Variants in NEB observed in about 807,000 individuals in gnomAD.
NEB encodes nemaline myopathy type 2.
A neutral mutation model predicts 952.2 loss-of-function variants in NEB; 512 were observed. That is an observed-to-expected ratio of 0.54 (90% CI 0.50 to 0.58). NEB has a LOEUF of 0.58. NEB is among the 20% of genes least tolerant of loss of function. The probability of loss-of-function intolerance (pLI) is 0.00; values close to 1 mark genes in which losing one functional copy is unlikely to be tolerated. For synonymous variants in NEB, 2,900 were observed against 3,149.8 expected, an observed-to-expected ratio of 0.92 and a Z score of 2.66; for missense variants, 8,428 against 9,231.1, an observed-to-expected ratio of 0.91 and a Z score of 3.56.
chr2:151,663,708 GA>G lies in NEB; in HGVS notation c.5602del (p.Ser1868ProfsTer29). 6.2e-7 allele frequency: 1 copy of G among 1,613,790 alleles called. No homozygotes were observed. The highest frequency in any genetic ancestry group is 8.5e-7 in the Non-Finnish European group (1 of 1,179,788). On this transcript the variant is annotated frameshift_variant, in exon 45 of 182. Coordinates refer to ENST00000397345, the MANE Select transcript of NEB (RefSeq NM_001164508.2). LOFTEE classifies it high-confidence loss of function. ...GAGCATGTCCACCGGGGTGTGGAAGGAGGTCTTGGATTTCTCATATCCCTTC... is the reference window on the plus strand; with the variant it reads ...GAGCATGTCCACCGGGGTGTGGAAGGGGTCTTGGATTTCTCATATCCCTTC... ...YKKGYEKSKTSFHTPVDMLSV... is the reference protein window; with the variant it reads ...YKKGYEKSKTXFHTPVDMLSV...
chr2:151,625,277 A>C (rs2098498633), intron 71 of NEB, among the ~76,000 whole-genome samples: 1 of 152,198 alleles, frequency 6.6e-6, no homozygotes, highest in African/African-American at 2.4e-5. Flanking sequence ...AGTCATTAAT[A>C]GTTGACTTGA....
intron 114 of NEB, among the ~76,000 whole-genome samples, chr2:151,566,285 T>C (rs1577847189): frequency 6.6e-6 from 1 of 152,208 alleles, no homozygotes; most frequent in South Asian, 2.1e-4. Flanking sequence ...AGGCATCCCC[T>C]GGGTCCCAGC....
chr2:151,553,169 G>C (rs2095435884), intron 127 of NEB, among the ~76,000 whole-genome samples: 2 of 152,274 alleles, frequency 1.3e-5, no homozygotes, highest in South Asian at 2.1e-4. Context: ...AGAAAGAGAA[G>C]ATGCTGGTCC....
At chr2:151,646,092 G>T in intron 55 of NEB, 38 bp downstream of exon 55, 1 of 1,426,472 alleles carries the variant, frequency 7.0e-7, no homozygotes, top group Non-Finnish European at 9.6e-7. Flanking sequence ...CAATTAAAAT[G>T]AGCTTTCTGA....
chr2:151,724,801 T>C, intron 7 of NEB, 56 bp downstream of exon 7: 1 of 1,447,800 alleles, frequency 6.9e-7, no homozygotes, highest in South Asian at 1.2e-5. Flanking sequence ...TATAAGACAA[T>C]GCAGAGGTGA....
At chr2:151,698,526 CT>C (rs1449236369) in intron 13 of NEB, among the ~76,000 whole-genome samples, 1 of 151,948 alleles carries the variant, frequency 6.6e-6, no homozygotes, top group Admixed American at 6.6e-5. Context: ...GAATTATACA[CT>C]TTGAAATGGT....
At position 151,646,232 on chromosome 2, in the gene NEB, T is replaced by G. The variant is rs373588820; in HGVS notation, c.7434A>C (p.Arg2478Ser). 5 of 1,575,422 alleles carry G rather than the reference T, an allele frequency of 3.2e-6. No homozygotes were observed. The change falls in exon 55 of 182, where the codon AGA becomes AGC. Residue 2478 changes from arginine (R) to serine (S), a missense_variant and splice_region_variant. Physicochemically the swap from Arg to Ser is moderately radical, Grantham distance 110 (BLOSUM62 -1). Around this residue, in one of 11 missense-constraint regions of NEB, gnomAD observed 1,772 missense variants for 1,960.3 expected, o/e 0.90. Transcript: ENST00000397345. ...AKTNAKNRSD[R>S]LYREAWDKDK... is the part of the protein sequence containing the mutation. ...CTTTGTCCCAAGCTTCTCTATAAAGTCTCTAAAATAAGAAATAATAATTTT... is the reference window on the plus strand; with the variant it reads ...CTTTGTCCCAAGCTTCTCTATAAAGGCTCTAAAATAAGAAATAATAATTTT...
Position 151,637,538 on chromosome 2 carries a change from C to G in NEB, c.8995-1204G>C, listed in dbSNP as rs146156804. On this transcript the variant is annotated intron_variant, in intron 63 of 181. Coordinates refer to ENST00000397345, the MANE Select transcript of NEB (RefSeq NM_001164508.2). The stretch of plus-strand genomic sequence containing the variant: ...CATCAGAGGGGAGCGCCCATGGCAG[C>G]GTCCCAGTCTGGGTGGGTGGAATAG... Among the ~76,000 whole-genome samples the G allele has an allele frequency of 1.4e-3, 217 of 152,278 alleles. 1 individual carries two copies. Among genetic ancestry groups the G allele is most frequent in the African/African-American group, 5.1e-3 (212 of 41,554 alleles).
In NEB at chr2:151,490,117, G is replaced by A. The variant is rs750018272; in HGVS notation, c.25298-40C>T. 4 of 1,464,444 alleles carry A rather than the reference G, an allele frequency of 2.7e-6. No individual in the cohort carries two copies. The South Asian group carries it at 3.6e-5, about 13-fold the overall frequency. The allele number at this position is 1,464,444 out of a possible 1,614,324, so 90.7% of individuals were successfully genotyped here. A position where few individuals can be genotyped will look rare whatever the true frequency, so the allele number is the denominator to read the frequency against. On this transcript the variant is annotated intron_variant, in intron 180 of 181. Transcript: ENST00000397345. ...GCAAATTCTTTATAAGAAGAAAAAT[G>A]GCTAGGTATCCTTTAATCTGTGTTT... is the stretch of plus-strand genomic sequence containing the variant.
intron 22 of NEB, 44 bp downstream of exon 22, chr2:151,692,015 A>T: frequency 1.2e-6 from 2 of 1,607,162 alleles, no homozygotes; most frequent in Non-Finnish European, 1.7e-6. Flanking sequence ...TATGGCTCTC[A>T]AACAATGTCA....
At chr2:151,725,676 A>T in intron 5 of NEB, 116 bp from the exon 6 acceptor site, 1 of 787,078 alleles carries the variant, frequency 1.3e-6, no homozygotes, top group Non-Finnish European at 2.1e-6. Flanking sequence ...CAATTATAAT[A>T]GCTTTCTTTT....
chr2:151,649,285 GGTTA>G (rs773310940), intron 54 of NEB, among the ~76,000 whole-genome samples: 4 of 152,026 alleles, frequency 2.6e-5, no homozygotes, highest in African/African-American at 7.2e-5. Flanking sequence ...GTCTGTGAGG[GGTTA>G]GTTAGGAAAA....
rs757006805 is a variant in NEB, at chr2:151,514,362, G to A, written c.23083C>T (p.Pro7695Ser). 3 of 1,613,800 alleles carry A rather than the reference G, an allele frequency of 1.9e-6. No homozygotes were observed. The highest frequency in any genetic ancestry group is 2.5e-6 in the Non-Finnish European group (3 of 1,179,738). ...GKGLTEMEDT[P>S]DMLRAKNATQ... ...GCATTCTTTGCTCTTAGCATGTCAG[G>A]TGTATCTTCCATTTCAGTGAGGCCC... Residue 7695 changes from proline (P) to serine (S), a missense_variant, in exon 159 of 182, where the codon CCT (proline) becomes TCT (serine). Pro to Ser is a moderately conservative substitution (Grantham distance 74). Around this residue, in one of 11 missense-constraint regions of NEB, gnomAD observed 3,374 missense variants for 3,651.5 expected, o/e 0.92. Coordinates refer to ENST00000397345, the MANE Select transcript of NEB (RefSeq NM_001164508.2).
At chr2:151,505,008 TC>T (rs1201434913) in intron 165 of NEB, among the ~76,000 whole-genome samples, 1 of 152,058 alleles carries the variant, frequency 6.6e-6, no homozygotes, top group Non-Finnish European at 1.5e-5. Context: ...CTACCCAGGG[TC>T]TTTTTGGACA....
intron 127 of NEB, among the ~76,000 whole-genome samples, chr2:151,553,039 C>T (rs1214473230): frequency 5.3e-5 from 8 of 152,232 alleles, no homozygotes; most frequent in South Asian, 2.1e-4. Context: ...ATTTAATTTG[C>T]GTGGAAAATC....
At chr2:151,623,723 G>C (rs2098462188) in intron 71 of NEB, among the ~76,000 whole-genome samples, 1 of 151,992 alleles carries the variant, frequency 6.6e-6, no homozygotes, top group African/African-American at 2.4e-5. Flanking sequence ...GAGGGAATCT[G>C]TTTTTCTTCA....
intron 144 of NEB, 82 bp from the exon 145 acceptor site, chr2:151,531,183 G>C: frequency 2.2e-6 from 2 of 890,586 alleles, no homozygotes; most frequent in Non-Finnish European, 3.6e-6. Flanking sequence ...GTTTTTTCCT[G>C]AGTGAATATA....
At chr2:151,492,988 G>A (rs1479523616) in intron 176 of NEB, 2 of 225,210 alleles carry the variant, frequency 8.9e-6, no homozygotes, top group African/African-American at 4.7e-5. Flanking sequence ...TATTACCCAT[G>A]TCATAAAGTA....
rs2057157123 is a variant in NEB, at chr2:151,492,216, G to C, written c.24939C>G (p.Ile8313Met). The change falls in exon 178 of 182, where the codon ATC becomes ATG. Residue 8313 changes from isoleucine (I) to methionine (M), a missense_variant. This residue lies in a region of NEB where 3,374 missense variants were observed against 3,651.5 expected (regional missense o/e 0.92). Coordinates refer to ENST00000397345, the MANE Select transcript of NEB (RefSeq NM_001164508.2). ...GCFTPVVTDP[I>M]TERVKKNMQD... ...GCATGTTCTTCTTTACTCGTTCAGT[G>C]ATAGGATCTGTCACCACTGGTGTGA... The C allele has an allele frequency of 6.2e-7, 1 of 1,613,922 alleles. No individual in the cohort carries two copies. Among genetic ancestry groups the C allele is most frequent in the African/African-American group, 1.3e-5 (1 of 75,036 alleles).
Sources: allele counts gnomAD v4.1 joint callset (sites outside exome capture counted in the v4.1 genomes callset), GRCh38; gene constraint gnomAD v4.1.1; regional missense constraint gnomAD v4.1.1; transcripts MANE v1.5; gene names NCBI Gene and HGNC (gene_info 2026-07-23, HGNC 2026-07-21).